The following EVC2 variants were observed in gnomAD, a reference collection of about 807,000 sequenced individuals.
EVC2 encodes EvC ciliary complex subunit 2, also known as limbin.
EVC2 carries 148 observed loss-of-function variants against 149.3 expected under a neutral mutation model. The ratio of observed to expected loss-of-function variants is 0.99; its 90% CI spans 0.87 to 1.14. The LOEUF (loss-of-function observed/expected upper bound fraction) is 1.14. Ranked by LOEUF, EVC2 falls within the 50% of genes most tolerant of loss-of-function variation. The pLI, the probability that EVC2 is intolerant of heterozygous loss-of-function variation, is 0.00. For synonymous variants in EVC2, 776 were observed against 649.9 expected, an observed-to-expected ratio of 1.19 and a Z score of -2.95; for missense variants, 1,854 against 1,627.3, an observed-to-expected ratio of 1.14 and a Z score of -2.40.
intron 9 of EVC2, among the ~76,000 whole-genome samples, chr4:5,661,148 A>G (rs1017529193): frequency 2.0e-5 from 3 of 152,212 alleles, no homozygotes; most frequent in South Asian, 2.1e-4. Flanking sequence ...TCTTTAATCT[A>G]GAATAAAAAA....
intron 9 of EVC2, among the ~76,000 whole-genome samples, chr4:5,654,040 C>A (rs1476223338): frequency 2.0e-5 from 3 of 152,248 alleles, no homozygotes; most frequent in South Asian, 4.2e-4. Flanking sequence ...ATGGTGAAAC[C>A]CCGTCTCTAC....
At chr4:5,548,559 T>C (rs956099448) in intron 21 of EVC2, among the ~76,000 whole-genome samples, 7 of 152,080 alleles carry the variant, frequency 4.6e-5, no homozygotes, top group African/African-American at 1.4e-4. Flanking sequence ...GTTTATCTGA[T>C]GCAGAGAGTG....
chr4:5,618,797 C>G lies in EVC2; in HGVS notation c.2502-115G>C. 10 of 999,870 alleles carry G rather than the reference C, an allele frequency of 1.0e-5. No individual in the cohort carries two copies. In the South Asian group the frequency reaches 1.3e-4, roughly 13 times the overall value. 61.9% of individuals were successfully genotyped at this position (999,870 alleles called of 1,614,324 possible). ...CTCATATCCATGTCTGCAGAAAAAG[C>G]ACTGGCTCCTTAATCATGCATTCCT... On this transcript the variant is annotated intron_variant, in intron 14 of 21. Coordinates refer to ENST00000344408, the MANE Select transcript of EVC2 (RefSeq NM_147127.5). This position sits in a 1 kb window ranked among gnomAD's most constrained non-coding sequence, Gnocchi z 4.4.
rs530937415 is a variant in EVC2 at position 5,685,453 on chromosome 4, C to T, written c.733G>A (p.Ala245Thr). The change falls in exon 6 of 22, where the codon GCA becomes ACA. Residue 245 changes from alanine (A) to threonine (T), a missense_variant. Physicochemically the swap from Ala to Thr is moderately conservative, Grantham distance 58. Transcript: ENST00000344408. ...AGGTCTCCAGCCTGGAGCGTGGCTG[C>T]GTAGCTGACAGCAAAGGCATCTCCC... Reference protein sequence around the residue: ...QVGDAFAVSYAATLQAGDLGN... With the variant: ...QVGDAFAVSYTATLQAGDLGN... The T allele has an allele frequency of 1.2e-5, 19 of 1,614,148 alleles. No homozygotes were observed. Among genetic ancestry groups the T allele is most frequent in the African/African-American group, 2.7e-5 (2 of 75,050 alleles).
intron 1 of EVC2, 97 bp from the exon 2 acceptor site, chr4:5,697,744 C>CA: frequency 2.8e-6 from 3 of 1,075,776 alleles, no homozygotes; most frequent in Non-Finnish European, 4.1e-6. Flanking sequence ...AGAGGACATG[C>CA]ACTTTTTTTT....
chr4:5,651,935 G>T (rs1388083084), intron 9 of EVC2, among the ~76,000 whole-genome samples: 1 of 152,252 alleles, frequency 6.6e-6, no homozygotes. Context: ...TATATCTGAT[G>T]ATTATAATCA....
At chr4:5,650,145 A>T (rs1718003717) in intron 9 of EVC2, among the ~76,000 whole-genome samples, 1 of 151,920 alleles carries the variant, frequency 6.6e-6, no homozygotes, top group African/African-American at 2.4e-5. Flanking sequence ...GCCTCGAGCT[A>T]CTCCTTAAAG....
chr4:5,594,206 T>C (rs1713144886), intron 16 of EVC2, among the ~76,000 whole-genome samples: 1 of 152,154 alleles, frequency 6.6e-6, no homozygotes, highest in South Asian at 2.1e-4. Context: ...TCTGACAGCT[T>C]TGAAGAGACC....
intron 6 of EVC2, 69 bp downstream of exon 6, chr4:5,685,301 G>A: frequency 1.4e-6 from 2 of 1,422,994 alleles, no homozygotes; most frequent in East Asian, 2.3e-5. Flanking sequence ...TCTGTCTGAA[G>A]TGTCCCTATT....
chr4:5,703,274 T>C (rs1721940873), intron 1 of EVC2, among the ~76,000 whole-genome samples: 1 of 152,242 alleles, frequency 6.6e-6, no homozygotes, highest in South Asian at 2.1e-4. Context: ...CTCTTGTTAC[T>C]GTTCTTATCA....
At chr4:5,704,151 A>C (rs1472598600) in intron 1 of EVC2, among the ~76,000 whole-genome samples, 3 of 152,158 alleles carry the variant, frequency 2.0e-5, no homozygotes, top group African/African-American at 7.2e-5. Context: ...TGTTGAGAAC[A>C]GAGAAGTACT....
At chr4:5,647,121 C>T (rs901958937) in intron 9 of EVC2, among the ~76,000 whole-genome samples, 1 of 152,086 alleles carries the variant, frequency 6.6e-6, no homozygotes, top group African/African-American at 2.4e-5. Flanking sequence ...AGGAAAATGC[C>T]CCCCCAGACA....
chr4:5,650,976 AT>A (rs2108879207), intron 9 of EVC2, among the ~76,000 whole-genome samples: 1 of 152,152 alleles, frequency 6.6e-6, no homozygotes, highest in Non-Finnish European at 1.5e-5. Context: ...TCTTGATATC[AT>A]TTTTTACAGC....
intron 15 of EVC2, among the ~76,000 whole-genome samples, chr4:5,616,591 T>C (rs945801688): frequency 6.6e-6 from 1 of 152,160 alleles, no homozygotes. Flanking sequence ...TATACCCTCA[T>C]TACACCCATT....
At chr4:5,587,395 G>A (rs544433491) in intron 16 of EVC2, among the ~76,000 whole-genome samples, 87 of 152,182 alleles carry the variant, frequency 5.7e-4, no homozygotes, top group African/African-American at 1.5e-3. Context: ...CTTTTACTTC[G>A]CATAATGTTT....
chr4:5,708,394 G>C lies in EVC2; in HGVS notation c.120C>G (p.Arg40=). 1 of 1,496,794 alleles carries C rather than the reference G, an allele frequency of 6.7e-7. No homozygotes were observed. The highest frequency in any genetic ancestry group is 1.3e-5 in the South Asian group (1 of 79,656). The allele number at this position is 1,496,794 out of a possible 1,614,324, so 92.7% of individuals were successfully genotyped here. A position where few individuals can be genotyped will look rare whatever the true frequency, so the allele number is the denominator to read the frequency against. The change falls in exon 1 of 22, where the codon CGC becomes CGG. Residue 40 remains arginine, a synonymous_variant. Coordinates refer to ENST00000344408, the MANE Select transcript of EVC2 (RefSeq NM_147127.5). The part of the protein sequence containing the change: ...CLGASSRPRW[R]PLGAQPPRDP... ...CCCGGGGTGGCTGCGCGCCGAGGGG[G>C]CGCCAGCGGGGACGTGAGCTGGCGC...
rs1715404793 is a variant in EVC2 at position 5,618,172 on chromosome 4, T to C, written c.2706+306A>G. Among the ~76,000 whole-genome samples, 1 of 152,102 alleles carries C rather than the reference T, an allele frequency of 6.6e-6. No homozygotes were observed. The highest frequency in any genetic ancestry group is 1.5e-5 in the Non-Finnish European group (1 of 68,028). On this transcript the variant is annotated intron_variant, in intron 15 of 21. Coordinates refer to ENST00000344408, the MANE Select transcript of EVC2 (RefSeq NM_147127.5). The surrounding 1 kb of genome is among the most constrained non-coding windows in gnomAD (Gnocchi z 4.4). ...AGGGGGCAGGAGAGACAGAGTAATA[T>C]CTCAGGCCAGGCAGCTTCCCTCAGG... is the stretch of plus-strand genomic sequence containing the variant.
In EVC2 at chr4:5,576,326, C is replaced by A; in HGVS notation, c.3186G>T (p.Gly1062=). 1 of 1,614,182 alleles carries A rather than the reference C, an allele frequency of 6.2e-7. No homozygotes were observed. Among genetic ancestry groups the A allele is most frequent in the Non-Finnish European group, 8.5e-7 (1 of 1,180,036 alleles). Residue 1062 remains glycine, a synonymous_variant, in exon 18 of 22, where the codon GGG becomes GGT. Transcript: ENST00000344408. The surrounding 1 kb of genome is among the most constrained non-coding windows in gnomAD (Gnocchi z 4.5). ...AGACCTGCCTTTCAGAATCCACCTC[C>A]CCAGGTTCGTTCAGAATCCCGGGCC... The part of the protein sequence containing the change: ...ADGPGILNEP[G]EVDSERQVST...
intron 3 of EVC2, 116 bp downstream of exon 3, chr4:5,694,219 G>C: frequency 9.6e-7 from 1 of 1,036,698 alleles, no homozygotes; most frequent in Non-Finnish European, 1.5e-6. Flanking sequence ...TTTAGTGAAA[G>C]AGGAGGAATA....
Sources: allele counts gnomAD v4.1 joint callset (sites outside exome capture counted in the v4.1 genomes callset), GRCh38; gene constraint gnomAD v4.1.1; non-coding constraint Gnocchi (gnomAD v3.1); transcripts MANE v1.5; gene names NCBI Gene and HGNC (gene_info 2026-07-23, HGNC 2026-07-21).